The following ALKBH3 variants were observed in gnomAD, a reference collection of about 807,000 sequenced individuals.
The protein encoded by ALKBH3 is alpha-ketoglutarate-dependent dioxygenase alkB homolog 3.
ALKBH3 carries 51 observed loss-of-function variants against 43.9 expected under a neutral mutation model. The observed-to-expected ratio is 1.16, with a 90% CI of 0.93 to 1.47. ALKBH3 has a LOEUF of 1.47. Among genes scored for constraint, ALKBH3 ranks in the 40% most tolerant of loss-of-function variants. ALKBH3 has a pLI of 0.00. For missense variants in ALKBH3, 361 were observed against 351.9 expected (o/e 1.03, Z -0.21); for synonymous variants, 102 against 115.2 (o/e 0.89, Z 0.73).
intron 8 of ALKBH3, 143 bp downstream of exon 8, chr11:43,901,868 C>T: frequency 1.9e-6 from 2 of 1,035,760 alleles, no homozygotes; most frequent in Non-Finnish European, 2.7e-6. Context: ...ACTACTTCCC[C>T]ATGGTTAACT....
Position 43,897,425 on chromosome 11 carries a change from G to A in ALKBH3, c.460-4091G>A, listed in dbSNP as rs533538038. 3.1e-4 allele frequency: 227 copies of A among 733,714 alleles called. 1 individual carries two copies. The highest frequency in any genetic ancestry group is 4.8e-4 in the Non-Finnish European group (189 of 397,698). 45.5% of individuals were successfully genotyped at this position (733,714 alleles called of 1,614,324 possible). On this transcript the variant is annotated intron_variant, in intron 7 of 9. Transcript: ENST00000302708. ...CTTAATGATTATCCTTGGCAAGACA[G>A]GTGTGAAAGGATTGCTGTTGTATTA...
chr11:43,908,158 T>C (rs902803195), intron 8 of ALKBH3, among the ~76,000 whole-genome samples: 1 of 152,220 alleles, frequency 6.6e-6, no homozygotes, highest in Non-Finnish European at 1.5e-5. Flanking sequence ...ACCTTCCACC[T>C]GAGAGGGTTT....
intron 8 of ALKBH3, among the ~76,000 whole-genome samples, chr11:43,903,471 G>A (rs1248058313): frequency 6.6e-6 from 1 of 152,198 alleles, no homozygotes; most frequent in Non-Finnish European, 1.5e-5. Flanking sequence ...ACCTCAGCTT[G>A]TTGCCAGGAG....
intron 6 of ALKBH3, among the ~76,000 whole-genome samples, chr11:43,891,722 C>T (rs1286405238): frequency 6.6e-6 from 1 of 152,130 alleles, no homozygotes; most frequent in East Asian, 1.9e-4. Context: ...TTTTTGAGAC[C>T]GTCCCTAGTC....
intron 1 of ALKBH3, chr11:43,881,463 C>T (rs987216395): frequency 6.6e-6 from 1 of 152,234 alleles, no homozygotes; most frequent in Admixed American, 6.5e-5. Flanking sequence ...AAGTCGTATC[C>T]TCTGCGGGGA....
intron 8 of ALKBH3, among the ~76,000 whole-genome samples, chr11:43,908,784 T>C (rs1951915120): frequency 6.6e-6 from 1 of 152,242 alleles, no homozygotes; most frequent in Non-Finnish European, 1.5e-5. Flanking sequence ...TTCAATTTCA[T>C]TGACATTTCA....
chr11:43,900,938 T>C (rs1239356214), intron 7 of ALKBH3, among the ~76,000 whole-genome samples: 3 of 152,244 alleles, frequency 2.0e-5, no homozygotes, highest in South Asian at 2.1e-4. Context: ...TCTCATTCTT[T>C]AGAAAAGAAT....
intron 8 of ALKBH3, among the ~76,000 whole-genome samples, chr11:43,918,057 C>T (rs1565131493): frequency 6.6e-6 from 1 of 152,018 alleles, no homozygotes; most frequent in Non-Finnish European, 1.5e-5. Flanking sequence ...CTGCAGTAAC[C>T]CAAATGTAAC....
At chr11:43,897,589 T>G (rs2135188156) in intron 7 of ALKBH3, 1 of 813,866 alleles carries the variant, frequency 1.2e-6, no homozygotes, top group African/African-American at 1.7e-5. Flanking sequence ...GTGAATGAAT[T>G]CAAGAGTGAA....
Position 43,881,106 on chromosome 11 carries a change from C to T in ALKBH3, c.-144C>T, listed in dbSNP as rs551421271. ...CGACCAAGCTCTTCCACCTGCGGAGCTCGCTTAGTCTGCACCTCAACCGTG... is the reference window on the plus strand; with the variant it reads ...CGACCAAGCTCTTCCACCTGCGGAGTTCGCTTAGTCTGCACCTCAACCGTG... On this transcript the variant is annotated 5_prime_UTR_variant, in exon 1 of 10. Transcript: ENST00000302708. 1 of 152,656 alleles carries T rather than the reference C, an allele frequency of 6.6e-6. No homozygotes were observed. The highest frequency in any genetic ancestry group is 2.1e-4 in the South Asian group (1 of 4,832). The allele number at this position is 152,656 out of a possible 1,614,324, so 9.5% of individuals were successfully genotyped here.
chr11:43,886,618 G>T lies in ALKBH3; in HGVS notation c.231G>T (p.Val77=). Residue 77 remains valine, a synonymous_variant, in exon 5 of 10, where the codon GTG becomes GTT. Coordinates refer to ENST00000302708, the MANE Select transcript of ALKBH3 (RefSeq NM_139178.4). ...TTTGTTTCTTTAGCAGAGAGGGTGTGTATGAAATCAGCCTGTCACCCACAG... is the reference window on the plus strand; with the variant it reads ...TTTGTTTCTTTAGCAGAGAGGGTGTTTATGAAATCAGCCTGTCACCCACAG... ...PEPRVIDREG[V]YEISLSPTGV... 2 of 1,614,120 alleles carry T rather than the reference G, an allele frequency of 1.2e-6. No homozygotes were observed. The highest frequency in any genetic ancestry group is 1.7e-6 in the Non-Finnish European group (2 of 1,180,004).
At chr11:43,898,470 G>A in intron 7 of ALKBH3, 1 of 928,868 alleles carries the variant, frequency 1.1e-6, no homozygotes, top group Non-Finnish European at 1.8e-6. Context: ...TCAGGCTGGG[G>A]CAGATGGACA....
chr11:43,899,062 C>T (rs769588941), intron 7 of ALKBH3: 1 of 749,040 alleles, frequency 1.3e-6, no homozygotes, highest in Admixed American at 1.7e-5. Flanking sequence ...GTGGATGCCT[C>T]TTCAGTCACC....
intron 8 of ALKBH3, among the ~76,000 whole-genome samples, chr11:43,911,302 A>T (rs932836233): frequency 1.3e-5 from 2 of 152,150 alleles, no homozygotes; most frequent in African/African-American, 4.8e-5. Context: ...AATATGTTAG[A>T]TGTGGGGGTA....
intron 8 of ALKBH3, among the ~76,000 whole-genome samples, chr11:43,910,695 C>A: frequency 6.6e-6 from 1 of 152,210 alleles, no homozygotes; most frequent in East Asian, 1.9e-4. Context: ...CATCTGAATT[C>A]TTTCTTGAAC....
intron 4 of ALKBH3, 83 bp downstream of exon 4, chr11:43,884,100 T>C: frequency 6.7e-7 from 1 of 1,501,772 alleles, no homozygotes. Flanking sequence ...TTTTTCTATC[T>C]GGAAGAGAAT....
chr11:43,909,465 G>GA (rs1177347167), intron 8 of ALKBH3: 1 of 152,178 alleles, frequency 6.6e-6, no homozygotes, highest in Non-Finnish European at 1.5e-5. Context: ...GGTGATCCAT[G>GA]AAACAGTCTA....
chr11:43,907,139 T>C (rs1045874296), intron 8 of ALKBH3, among the ~76,000 whole-genome samples: 1 of 151,906 alleles, frequency 6.6e-6, no homozygotes, highest in Non-Finnish European at 1.5e-5. Context: ...TAAATGGTAA[T>C]TGGGTTTTTG....
intron 5 of ALKBH3, among the ~76,000 whole-genome samples, chr11:43,888,886 T>A (rs1359424561): frequency 6.6e-6 from 1 of 152,256 alleles, no homozygotes; most frequent in Non-Finnish European, 1.5e-5. Flanking sequence ...TAAACACATA[T>A]TCAGTGGGAG....
Sources: gnomAD v4.1 joint callset for allele counts (sites outside exome capture counted in the v4.1 genomes callset) on GRCh38, gnomAD v4.1.1 for gene constraint, MANE v1.5 for transcripts, NCBI Gene and HGNC (gene_info 2026-07-23, HGNC 2026-07-21) for gene names.